The following RPS6KA5 variants were observed in gnomAD, a reference collection of about 807,000 sequenced individuals.
RPS6KA5 encodes the protein ribosomal protein S6 kinase A5.
In RPS6KA5, 27 loss-of-function variants were observed where a neutral mutation model predicts 85.5. The observed-to-expected ratio is 0.32, with a 90% CI of 0.23 to 0.44. The LOEUF is 0.44. RPS6KA5 is among the 20% of genes least tolerant of loss of function. The pLI is 1.00. For missense variants in RPS6KA5, 811 were observed against 980.9 expected, an observed-to-expected ratio of 0.83 and a Z score of 2.31; for synonymous variants, 334 against 348.2, an observed-to-expected ratio of 0.96 and a Z score of 0.46.
At chr14:90,953,601 A>G (rs987900052) in intron 3 of RPS6KA5, among the ~76,000 whole-genome samples, 7 of 152,220 alleles carry the variant, frequency 4.6e-5, no homozygotes, top group Non-Finnish European at 1.0e-4. Context: ...ACGTGCAAGT[A>G]GGGACAATAT....
chr14:91,051,059 C>A (rs2043058669), intron 1 of RPS6KA5, among the ~76,000 whole-genome samples: 1 of 151,880 alleles, frequency 6.6e-6, no homozygotes, highest in African/African-American at 2.4e-5. Flanking sequence ...GAAACCCCAC[C>A]TCTACCAAAA....
intron 15 of RPS6KA5, 101 bp downstream of exon 15, chr14:90,875,100 G>T: frequency 2.6e-6 from 3 of 1,159,038 alleles, no homozygotes; most frequent in Non-Finnish European, 3.7e-6. Context: ...AATACACATG[G>T]ATTCCTCGAG....
intron 7 of RPS6KA5, among the ~76,000 whole-genome samples, chr14:90,912,033 TC>T (rs2035852633): frequency 6.6e-6 from 1 of 151,960 alleles, no homozygotes; most frequent in South Asian, 2.1e-4. Flanking sequence ...AGTCCGCATC[TC>T]CATCATGAAT....
In RPS6KA5 at chr14:90,857,044, C is replaced by G. The variant is rs1253026573; in HGVS notation, c.*15030G>C. 6.6e-6 allele frequency: 1 copy of G among 152,280 alleles called. No individual in the cohort carries two copies. Among genetic ancestry groups the G allele is most frequent in the African/African-American group, 2.4e-5 (1 of 41,434 alleles). 9.4% of individuals were successfully genotyped at this position (152,280 alleles called of 1,614,324 possible). On this transcript the variant is annotated 3_prime_UTR_variant, in exon 17 of 17. Transcript: ENST00000614987. ...TGGCGAATCTGTCCTCCCAGTGCAG[C>G]CTAGTTTCTATGGAGCTACCATATA...
rs527692476 is a variant in RPS6KA5 at position 90,869,293 on chromosome 14, C to T, written c.*2781G>A. 6.6e-6 allele frequency: 1 copy of T among 152,318 alleles called. No homozygotes were observed. Among genetic ancestry groups the T allele is most frequent in the East Asian group, 1.9e-4 (1 of 5,188 alleles). 9.4% of individuals were successfully genotyped at this position (152,318 alleles called of 1,614,324 possible). A position where few individuals can be genotyped will look rare whatever the true frequency, so the allele number is the denominator to read the frequency against. On this transcript the variant is annotated 3_prime_UTR_variant, in exon 17 of 17. Coordinates refer to ENST00000614987, the MANE Select transcript of RPS6KA5 (RefSeq NM_004755.4). ...TCTCCAGTCTTATACTCCCAAAGCA[C>T]AAGGATTACAGGCCTGAGCCACCAC...
At chr14:90,979,647 C>T (rs1322834218) in intron 2 of RPS6KA5, among the ~76,000 whole-genome samples, 1 of 152,252 alleles carries the variant, frequency 6.6e-6, no homozygotes, top group Non-Finnish European at 1.5e-5. Context: ...TACCAACACA[C>T]AATGTGCAAG....
At chr14:90,904,087 C>T (rs2035354701) in intron 8 of RPS6KA5, among the ~76,000 whole-genome samples, 1 of 152,062 alleles carries the variant, frequency 6.6e-6, no homozygotes, top group Non-Finnish European at 1.5e-5. Context: ...GTAGCTGGGA[C>T]TACAGGCGAC....
At position 90,983,219 on chromosome 14, in the gene RPS6KA5, G is replaced by C. The variant is rs371473580; in HGVS notation, c.176-4695C>G. The stretch of plus-strand genomic sequence containing the variant: ...TTTAACCCAGGAGGCAAAGGTTGCA[G>C]TTAGCCAAGGTCGCGCCATTTCACT... On this transcript the variant is annotated intron_variant, in intron 2 of 16. Coordinates refer to ENST00000614987, the MANE Select transcript of RPS6KA5 (RefSeq NM_004755.4). Among the ~76,000 whole-genome samples, 7 of 150,498 alleles carry C rather than the reference G, an allele frequency of 4.7e-5. No individual in the cohort carries two copies. In the East Asian group the frequency reaches 9.8e-4, roughly 21 times the overall value.
chr14:90,852,839 C>T lies in RPS6KA5; in HGVS notation c.*19235G>A, dbSNP rs2032076929. The T allele has an allele frequency of 6.7e-6, 1 of 150,234 alleles. No individual in the cohort carries two copies. Among genetic ancestry groups the T allele is most frequent in the Admixed American group, 6.7e-5 (1 of 14,854 alleles). The allele number at this position is 150,234 out of a possible 1,614,324, so 9.3% of individuals were successfully genotyped here. ...CCGCCTCCCGGGTTCATGCCATTCT[C>T]CTGTCTCAGCCTCCCCAGTAGCTGG... is the stretch of plus-strand genomic sequence containing the variant. On this transcript the variant is annotated 3_prime_UTR_variant, in exon 17 of 17. Transcript: ENST00000614987.
intron 7 of RPS6KA5, among the ~76,000 whole-genome samples, chr14:90,909,884 T>C (rs537607515): frequency 6.6e-6 from 1 of 152,278 alleles, no homozygotes; most frequent in Non-Finnish European, 1.5e-5. Context: ...CAAGCAATTA[T>C]CTTGCCTCAG....
intron 3 of RPS6KA5, 22 bp from the exon 4 acceptor site, chr14:90,947,572 C>G: frequency 3.7e-6 from 5 of 1,343,922 alleles, no homozygotes; most frequent in Non-Finnish European, 5.3e-6. Context: ...ATACATTTTT[C>G]TTTCTTAAAC....
At chr14:90,894,867 A>G (rs2034752311) in intron 12 of RPS6KA5, among the ~76,000 whole-genome samples, 1 of 152,104 alleles carries the variant, frequency 6.6e-6, no homozygotes, top group Admixed American at 6.6e-5. Context: ...GTTTTGTTTT[A>G]AGAGATGAAG....
intron 14 of RPS6KA5, among the ~76,000 whole-genome samples, chr14:90,879,903 T>C (rs1286260): frequency 0.38 from 57,953 of 151,182 alleles, 12,079 homozygotes; most frequent in African/African-American, 0.55. Flanking sequence ...CCTGCCTCAC[T>C]CTCTCAAGTA....
At chr14:90,921,761 G>A (rs960949904) in intron 6 of RPS6KA5, among the ~76,000 whole-genome samples, 2 of 152,144 alleles carry the variant, frequency 1.3e-5, no homozygotes, top group African/African-American at 4.8e-5. Context: ...TAGTCGTCAG[G>A]AAGGAGACCA....
chr14:90,882,784 T>C (rs1035776635), intron 14 of RPS6KA5, among the ~76,000 whole-genome samples: 2 of 151,980 alleles, frequency 1.3e-5, no homozygotes, highest in East Asian at 1.9e-4. Flanking sequence ...ATGTGTGGAA[T>C]TGCTTTTCTC....
At chr14:91,043,111 C>T (rs1017678089) in intron 1 of RPS6KA5, among the ~76,000 whole-genome samples, 14 of 152,180 alleles carry the variant, frequency 9.2e-5, no homozygotes, top group African/African-American at 3.4e-4. Context: ...CCCTGCCACC[C>T]CCTAAAGCAT....
At chr14:90,928,128 C>T (rs2036780772) in intron 5 of RPS6KA5, among the ~76,000 whole-genome samples, 1 of 151,574 alleles carries the variant, frequency 6.6e-6, no homozygotes, top group Non-Finnish European at 1.5e-5. Context: ...CGCAGTTTTG[C>T]TATGTTGTCC....
rs984765182 is a variant in RPS6KA5 at position 90,858,748 on chromosome 14, T to C, written c.*13326A>G. On this transcript the variant is annotated 3_prime_UTR_variant, in exon 17 of 17. Coordinates refer to ENST00000614987, the MANE Select transcript of RPS6KA5 (RefSeq NM_004755.4). ...AAGGGAAGCACACTTTGGTGAGCTC[T>C]GTGTTCATTTTGATTACTTCTTCAA... The C allele has an allele frequency of 1.3e-5, 2 of 152,224 alleles. No individual in the cohort carries two copies. Among genetic ancestry groups the C allele is most frequent in the Non-Finnish European group, 2.9e-5 (2 of 68,034 alleles). The allele number at this position is 152,224 out of a possible 1,614,324, so 9.4% of individuals were successfully genotyped here.
At chr14:90,884,740 G>GAA (rs2034076146) in intron 14 of RPS6KA5, among the ~76,000 whole-genome samples, 1 of 152,160 alleles carries the variant, frequency 6.6e-6, no homozygotes, top group Admixed American at 6.5e-5. Context: ...ACATTGGGTT[G>GAA]TTTCCAGTGT....
Sources: gnomAD v4.1 joint callset for allele counts (sites outside exome capture counted in the v4.1 genomes callset) on GRCh38, gnomAD v4.1.1 for gene constraint, MANE v1.5 for transcripts, NCBI Gene and HGNC (gene_info 2026-07-23, HGNC 2026-07-21) for gene names.